CDH18: variants seen among roughly 807,000 people sequenced by gnomAD.
CDH18 encodes the protein cadherin-18.
In CDH18, 31 loss-of-function variants were observed where a neutral mutation model predicts 67.9. The observed-to-expected ratio is 0.46, with a 90% CI of 0.34 to 0.62. CDH18 has a LOEUF of 0.62. CDH18 is among the 20% of genes least tolerant of loss of function. The pLI, the probability that CDH18 is intolerant of heterozygous loss-of-function variation, is 0.01. For synonymous variants in CDH18, 362 were observed against 347.2 expected, an observed-to-expected ratio of 1.04 and a Z score of -0.48; for missense variants, 890 against 975.5, an observed-to-expected ratio of 0.91 and a Z score of 1.17.
intron 2 of CDH18, among the ~76,000 whole-genome samples, chr5:20,188,863 A>C (rs868460333): frequency 2.7e-5 from 4 of 150,786 alleles, no homozygotes; most frequent in African/African-American, 9.8e-5. Context: ...AAAAAAAAAA[A>C]TCCACTCTCT....
At chr5:20,439,206 A>T (rs140819768) in intron 1 of CDH18, among the ~76,000 whole-genome samples, 70 of 151,690 alleles carry the variant, frequency 4.6e-4, no homozygotes, top group Middle Eastern at 3.4e-3. Flanking sequence ...AAATATTTTG[A>T]TTCCCTATAA....
chr5:19,572,182 T>A (rs1158148462), intron 7 of CDH18, among the ~76,000 whole-genome samples: 2 of 152,200 alleles, frequency 1.3e-5, no homozygotes, highest in African/African-American at 4.8e-5. Context: ...GGAAAGTGTT[T>A]AGCATGATTG....
At position 19,752,702 on chromosome 5, in the gene CDH18, C is replaced by T. The variant is rs919276739; in HGVS notation, c.229-5466G>A. ...GCTGATGCTCTCTGGAAAGCACCAC[C>T]TCCTGGCAGAAGGCCAACCAGCACA... On this transcript the variant is annotated intron_variant, in intron 3 of 12. Transcript: ENST00000382275. Among the ~76,000 whole-genome samples the T allele has an allele frequency of 2.0e-5, 3 of 152,154 alleles. No individual in the cohort carries two copies. The East Asian group carries it at 5.8e-4, about 29-fold the overall frequency.
intron 5 of CDH18, among the ~76,000 whole-genome samples, chr5:19,625,081 C>CAT (rs1751318424): frequency 6.6e-6 from 1 of 151,620 alleles, no homozygotes; most frequent in Admixed American, 6.6e-5. Context: ...ATAATAATAC[C>CAT]ATATATAGCA....
At chr5:19,604,530 AACACACACACACACACAC>A (rs4002268) in intron 6 of CDH18, among the ~76,000 whole-genome samples, 24 of 145,198 alleles carry the variant, frequency 1.7e-4, no homozygotes, top group South Asian at 6.7e-4. Flanking sequence ...TTCAAATTAA[AACACACACACACACACAC>A]ACACACACAC....
At chr5:20,205,640 G>GA (rs1430870029) in intron 2 of CDH18, among the ~76,000 whole-genome samples, 2 of 151,408 alleles carry the variant, frequency 1.3e-5, no homozygotes, top group African/African-American at 4.8e-5. Context: ...TCAACAAATT[G>GA]AAAAAACAAG....
intron 2 of CDH18, among the ~76,000 whole-genome samples, chr5:20,049,469 T>C (rs930352800): frequency 1.3e-5 from 2 of 151,742 alleles, no homozygotes; most frequent in African/African-American, 4.8e-5. Context: ...AGTTTACCTA[T>C]ATAACAAACA....
chr5:19,726,978 C>G (rs987343521), intron 4 of CDH18, among the ~76,000 whole-genome samples: 2 of 152,130 alleles, frequency 1.3e-5, no homozygotes, highest in African/African-American at 2.4e-5. Context: ...TTCTGTGAAC[C>G]AGGAAGTGTG....
chr5:20,466,521 A>G (rs1751644049), intron 1 of CDH18, among the ~76,000 whole-genome samples: 1 of 152,140 alleles, frequency 6.6e-6, no homozygotes, highest in Admixed American at 6.5e-5. Context: ...CATAGTTTTA[A>G]ATAAATACAT....
intron 5 of CDH18, among the ~76,000 whole-genome samples, chr5:19,660,964 T>C (rs937974174): frequency 6.6e-6 from 1 of 150,556 alleles, no homozygotes; most frequent in Non-Finnish European, 1.5e-5. Flanking sequence ...CTAATACTAA[T>C]ACAATAACGG....
chr5:19,878,421 C>A (rs1787276301), intron 2 of CDH18, among the ~76,000 whole-genome samples: 1 of 152,010 alleles, frequency 6.6e-6, no homozygotes, highest in African/African-American at 2.4e-5. Flanking sequence ...TTGTTAGGAA[C>A]TTAGGCAATA....
chr5:19,977,097 T>C (rs1427924812), intron 2 of CDH18, among the ~76,000 whole-genome samples: 2 of 152,280 alleles, frequency 1.3e-5, no homozygotes, highest in Non-Finnish European at 2.9e-5. Context: ...AAACAAAGTA[T>C]AATTTGACTT....
At chr5:19,603,282 T>C (rs1000787735) in intron 6 of CDH18, among the ~76,000 whole-genome samples, 2 of 152,260 alleles carry the variant, frequency 1.3e-5, no homozygotes, top group Non-Finnish European at 2.9e-5. Context: ...TATTGCATGA[T>C]TCCACTTATA....
At chr5:19,825,473 T>A (rs1209946418) in intron 3 of CDH18, among the ~76,000 whole-genome samples, 5 of 151,878 alleles carry the variant, frequency 3.3e-5, no homozygotes, top group Non-Finnish European at 5.9e-5. Flanking sequence ...AACCCCATGT[T>A]CCCCTGGGAA....
At chr5:19,525,317 C>T (rs911745457) in intron 9 of CDH18, among the ~76,000 whole-genome samples, 1 of 151,866 alleles carries the variant, frequency 6.6e-6, no homozygotes, top group Non-Finnish European at 1.5e-5. Context: ...AGACTCTGTC[C>T]ATTATGACCC....
At chr5:20,467,982 T>C (rs1478031550) in intron 1 of CDH18, among the ~76,000 whole-genome samples, 1 of 137,808 alleles carries the variant, frequency 7.3e-6, no homozygotes, top group African/African-American at 2.6e-5. Context: ...ACTTACTTTT[T>C]ATTTTATTTA....
At chr5:19,705,414 G>C (rs932208612) in intron 5 of CDH18, among the ~76,000 whole-genome samples, 1 of 152,110 alleles carries the variant, frequency 6.6e-6, no homozygotes, top group Non-Finnish European at 1.5e-5. Flanking sequence ...CCTGCCCTAG[G>C]CATTCCTACC....
intron 2 of CDH18, among the ~76,000 whole-genome samples, chr5:19,925,247 C>T (rs1054565652): frequency 2.0e-5 from 3 of 152,136 alleles, no homozygotes; most frequent in African/African-American, 7.2e-5. Flanking sequence ...CCTCAAGCTA[C>T]AGTATGTATA....
intron 2 of CDH18, among the ~76,000 whole-genome samples, chr5:19,933,288 A>C (rs1396135829): frequency 1.3e-5 from 2 of 151,522 alleles, no homozygotes; most frequent in Non-Finnish European, 3.0e-5. Flanking sequence ...CCTCTTTTAA[A>C]AATTTACCAG....
Sources: allele counts gnomAD v4.1 joint callset (sites outside exome capture counted in the v4.1 genomes callset), GRCh38; gene constraint gnomAD v4.1.1; transcripts MANE v1.5; gene names NCBI Gene and HGNC (gene_info 2026-07-23, HGNC 2026-07-21).